The following FAR2 variants were observed in gnomAD, a reference collection of about 807,000 sequenced individuals.
FAR2 encodes fatty acyl-CoA reductase 2.
FAR2 carries 19 observed loss-of-function variants against 56.0 expected under a neutral mutation model. The ratio of observed to expected loss-of-function variants is 0.34; its 90% CI spans 0.24 to 0.50. FAR2 has a LOEUF of 0.50. FAR2 is among the 20% of genes least tolerant of loss of function. FAR2 has a pLI of 0.98. For synonymous variants in FAR2, 219 were observed against 218.8 expected (o/e 1.00, Z -0.01); for missense variants, 508 against 642.2 (o/e 0.79, Z 2.26).
intron 1 of FAR2, among the ~76,000 whole-genome samples, chr12:29,249,975 C>G (rs534659340): frequency 6.6e-6 from 1 of 152,256 alleles, no homozygotes; most frequent in South Asian, 2.1e-4. Flanking sequence ...AAAATGAGAT[C>G]TAGTAAAGAG....
chr12:29,218,172 C>T (rs958132436), intron 1 of FAR2, among the ~76,000 whole-genome samples: 3 of 151,982 alleles, frequency 2.0e-5, no homozygotes, highest in African/African-American at 4.8e-5. Context: ...CTGGCTAACA[C>T]GGTAAAACCT....
chr12:29,260,206 A>G (rs1948392800), intron 1 of FAR2, among the ~76,000 whole-genome samples: 1 of 152,166 alleles, frequency 6.6e-6, no homozygotes, highest in Non-Finnish European at 1.5e-5. Flanking sequence ...AAACACTGCA[A>G]TTATTTTTGT....
chr12:29,244,445 T>C (rs1948091993), intron 1 of FAR2, among the ~76,000 whole-genome samples: 1 of 152,216 alleles, frequency 6.6e-6, no homozygotes, highest in Non-Finnish European at 1.5e-5. Flanking sequence ...ACACAACCTC[T>C]TAGGAACTGT....
intron 4 of FAR2, among the ~76,000 whole-genome samples, chr12:29,301,288 G>A (rs1331951840): frequency 1.3e-5 from 2 of 152,096 alleles, no homozygotes; most frequent in African/African-American, 4.8e-5. Flanking sequence ...TATATCTGTA[G>A]TTGTCTTCTG....
intron 4 of FAR2, among the ~76,000 whole-genome samples, chr12:29,300,069 C>G (rs189105100): frequency 1.3e-5 from 2 of 152,186 alleles, no homozygotes; most frequent in African/African-American, 4.8e-5. Flanking sequence ...ACTCAATGCT[C>G]ACTGAATGAA....
At position 29,334,820 on chromosome 12, in the gene FAR2, T is replaced by C. The variant is rs1949775078; in HGVS notation, c.*1026T>C. On this transcript the variant is annotated 3_prime_UTR_variant, in exon 12 of 12. Transcript: ENST00000536681. ...CATTCCAATTGCACAATGTTAACTG[T>C]ACAACACACAGCAGAAAAGTGAATA... 1 of 152,192 alleles carries C rather than the reference T, an allele frequency of 6.6e-6. No homozygotes were observed. The allele number at this position is 152,192 out of a possible 1,614,324, so 9.4% of individuals were successfully genotyped here. A position where few individuals can be genotyped will look rare whatever the true frequency, so the allele number is the denominator to read the frequency against.
chr12:29,311,575 A>G (rs1949352074), intron 7 of FAR2, among the ~76,000 whole-genome samples: 1 of 151,932 alleles, frequency 6.6e-6, no homozygotes, highest in Non-Finnish European at 1.5e-5. Context: ...TAGGTTGTTC[A>G]TATATTTGGG....
At chr12:29,207,562 A>C (rs979466385) in intron 1 of FAR2, among the ~76,000 whole-genome samples, 2 of 152,070 alleles carry the variant, frequency 1.3e-5, no homozygotes, top group Non-Finnish European at 2.9e-5. Flanking sequence ...GTTTCCATTT[A>C]CTTGCTACTA....
chr12:29,250,763 G>A (rs1948196001), intron 1 of FAR2, among the ~76,000 whole-genome samples: 1 of 152,150 alleles, frequency 6.6e-6, no homozygotes. Flanking sequence ...TAGTGAATGT[G>A]TTAGGAGAAA....
intron 1 of FAR2, among the ~76,000 whole-genome samples, chr12:29,245,193 G>A (rs929596111): frequency 6.6e-6 from 1 of 152,140 alleles, no homozygotes; most frequent in Non-Finnish European, 1.5e-5. Context: ...CGTTGGCCAG[G>A]ATGGTCTCAA....
chr12:29,178,268 G>C (rs1949957756), intron 1 of FAR2, among the ~76,000 whole-genome samples: 1 of 152,026 alleles, frequency 6.6e-6, no homozygotes, highest in Non-Finnish European at 1.5e-5. Flanking sequence ...AAGTGATAAT[G>C]TTTTAAAAAG....
chr12:29,168,298 G>A lies in FAR2; in HGVS notation c.-39+18891G>A, dbSNP rs181804718. Reference sequence around the variant, plus strand: ...TATGATACTGTGAGGGTACGTGGGGGACCTTATATTCTTAGCAAATGTCAA... The same window carrying A: ...TATGATACTGTGAGGGTACGTGGGGAACCTTATATTCTTAGCAAATGTCAA... On this transcript the variant is annotated intron_variant, in intron 1 of 11. Coordinates refer to ENST00000536681, the MANE Select transcript of FAR2 (RefSeq NM_001271783.2). 3.9e-5 allele frequency among the ~76,000 whole-genome samples: 6 copies of A among 152,254 alleles called. No homozygotes were observed. The East Asian group carries it at 1.2e-3, about 29-fold the overall frequency.
intron 1 of FAR2, among the ~76,000 whole-genome samples, chr12:29,237,924 G>A (rs11614901): frequency 0.12 from 18,397 of 152,124 alleles, 1,289 homozygotes; most frequent in Middle Eastern, 0.23. Context: ...ATATTCGGAA[G>A]AGCTGCATAA....
chr12:29,309,566 T>C (rs972825527), intron 6 of FAR2, among the ~76,000 whole-genome samples: 7 of 152,160 alleles, frequency 4.6e-5, no homozygotes, highest in African/African-American at 1.7e-4. Flanking sequence ...ATTAGTGCAG[T>C]GAATTGAGGA....
intron 10 of FAR2, among the ~76,000 whole-genome samples, chr12:29,332,152 A>G (rs536151536): frequency 6.6e-6 from 1 of 152,292 alleles, no homozygotes; most frequent in East Asian, 1.9e-4. Flanking sequence ...AATCTGCATA[A>G]TGAAATGGTA....
At chr12:29,248,385 C>T (rs960615070) in intron 1 of FAR2, among the ~76,000 whole-genome samples, 14 of 152,150 alleles carry the variant, frequency 9.2e-5, no homozygotes, top group Non-Finnish European at 1.8e-4. Context: ...CATCACATGT[C>T]GGTAGGTTCC....
At chr12:29,221,485 A>G (rs1947690163) in intron 1 of FAR2, among the ~76,000 whole-genome samples, 1 of 152,212 alleles carries the variant, frequency 6.6e-6, no homozygotes, top group South Asian at 2.1e-4. Context: ...ATTGTTTTCA[A>G]TTGGAAAATG....
rs200429674 is a variant in FAR2 at position 29,332,615 on chromosome 12, G to T, written c.1273G>T (p.Val425Leu). Residue 425 changes from valine (V) to leucine (L), a missense_variant, in exon 11 of 12, where the codon GTG becomes TTG. Val to Leu is a conservative substitution (Grantham distance 32). Transcript: ENST00000536681. ...PEDQRVFNFD[V>L]RQLNWLEYIE... ...TGCCTCTCAGGTATTCAACTTTGAC[G>T]TGCGCCAGTTGAACTGGTTGGAATA... 1.1e-5 allele frequency: 17 copies of T among 1,613,502 alleles called. No homozygotes were observed. The highest frequency in any genetic ancestry group is 1.4e-5 in the Non-Finnish European group (16 of 1,179,710).
chr12:29,253,014 T>C (rs983624672), intron 1 of FAR2, among the ~76,000 whole-genome samples: 5 of 151,996 alleles, frequency 3.3e-5, no homozygotes, highest in African/African-American at 1.2e-4. Context: ...AGACTCATCT[T>C]CCCAGAGCCA....
Sources: gnomAD v4.1 joint callset for allele counts (sites outside exome capture counted in the v4.1 genomes callset) on GRCh38, gnomAD v4.1.1 for gene constraint, MANE v1.5 for transcripts, NCBI Gene and HGNC (gene_info 2026-07-23, HGNC 2026-07-21) for gene names.